BMPR1B: variants seen among roughly 807,000 people sequenced by gnomAD.
BMPR1B encodes bone morphogenetic protein receptor type-1B.
BMPR1B carries 12 observed loss-of-function variants against 59.1 expected under a neutral mutation model. That is an observed-to-expected ratio of 0.20 (90% confidence interval 0.13 to 0.33). BMPR1B has a LOEUF of 0.33. Ranked by LOEUF, BMPR1B falls within the 10% of genes least tolerant of loss-of-function variation. The pLI, the probability that BMPR1B is intolerant of heterozygous loss-of-function variation, is 1.00. For synonymous variants in BMPR1B, 237 were observed against 207.3 expected, an observed-to-expected ratio of 1.14 and a Z score of -1.23; for missense variants, 550 against 610.9, an observed-to-expected ratio of 0.90 and a Z score of 1.05.
chr4:94,923,782 C>G (rs540779421), intron 2 of BMPR1B, among the ~76,000 whole-genome samples: 1 of 152,114 alleles, frequency 6.6e-6, no homozygotes, highest in South Asian at 2.1e-4. Context: ...GCCCCTACCT[C>G]TAGGCACAGT....
At chr4:95,127,949 A>G (rs568892000) in intron 8 of BMPR1B, among the ~76,000 whole-genome samples, 8 of 150,722 alleles carry the variant, frequency 5.3e-5, no homozygotes, top group African/African-American at 2.0e-4. Context: ...TTGTGGTGCG[A>G]TCTTGTCTCA....
intron 2 of BMPR1B, among the ~76,000 whole-genome samples, chr4:94,956,623 T>C (rs912254783): frequency 1.3e-5 from 2 of 152,148 alleles, no homozygotes; most frequent in African/African-American, 4.8e-5. Flanking sequence ...AATTTCTAGA[T>C]ACCTGGGTGA....
intron 4 of BMPR1B, among the ~76,000 whole-genome samples, chr4:95,111,020 A>G (rs1009671025): frequency 5.3e-5 from 8 of 152,158 alleles, no homozygotes; most frequent in African/African-American, 1.9e-4. Context: ...GTTCTTAAGA[A>G]CTTGTTTACA....
intron 2 of BMPR1B, among the ~76,000 whole-genome samples, chr4:94,967,120 G>A (rs1319691913): frequency 6.6e-6 from 1 of 152,112 alleles, no homozygotes; most frequent in Non-Finnish European, 1.5e-5. Flanking sequence ...GTATATTCAA[G>A]TTTTCTAAGT....
intron 1 of BMPR1B, among the ~76,000 whole-genome samples, chr4:94,841,251 C>T (rs867415924): frequency 1.4e-5 from 2 of 146,922 alleles, no homozygotes; most frequent in African/African-American, 2.5e-5. Context: ...GTGGAGCCTA[C>T]AGAGGCAGGC....
intron 3 of BMPR1B, among the ~76,000 whole-genome samples, chr4:95,009,563 G>A (rs868080628): frequency 9.2e-5 from 14 of 152,174 alleles, no homozygotes; most frequent in Non-Finnish European, 1.8e-4. Context: ...ATGATGTAGA[G>A]TTTCTTCTTC....
At chr4:95,116,182 A>G (rs551753927) in intron 6 of BMPR1B, among the ~76,000 whole-genome samples, 1 of 152,216 alleles carries the variant, frequency 6.6e-6, no homozygotes, top group East Asian at 1.9e-4. Context: ...TAAATTAAAC[A>G]TTATTTGCTA....
At position 95,104,439 on chromosome 4, in the gene BMPR1B, T is replaced by G. The variant is rs1466418430; in HGVS notation, c.15T>G (p.Ser5Arg). MLLR[S>R]AGKLNVGTKK... ...TCCTTGATAACATGCTTTTGCGAAG[T>G]GCAGGAAAATTAAATGTGGGCACCA... is the stretch of plus-strand genomic sequence containing the variant. The change falls in exon 4 of 13, where the codon AGT (serine) becomes AGG (arginine). Residue 5 changes from serine (S) to arginine (R), a missense_variant. Physicochemically the swap from Ser to Arg is moderately radical, Grantham distance 110 (BLOSUM62 -1). Transcript: ENST00000515059. 6.8e-6 allele frequency: 11 copies of G among 1,613,192 alleles called. No homozygotes were observed. Among genetic ancestry groups the G allele is most frequent in the African/African-American group, 1.3e-5 (1 of 74,870 alleles).
intron 3 of BMPR1B, among the ~76,000 whole-genome samples, chr4:95,020,005 TG>T (rs1374051668): frequency 2.0e-5 from 3 of 152,224 alleles, no homozygotes; most frequent in African/African-American, 7.2e-5. Flanking sequence ...TTGGGTGTTA[TG>T]CACCTTATAG....
In BMPR1B at chr4:95,129,875, T is replaced by A. The variant is rs121434417; in HGVS notation, c.599T>A (p.Ile200Lys). The A allele has an allele frequency of 6.2e-7, 1 of 1,613,732 alleles. No homozygotes were observed. The change falls in exon 9 of 13, where the codon ATA becomes AAA. Residue 200 changes from isoleucine (I) to lysine (K), a missense_variant. By Grantham distance (102) the Ile-to-Lys change is moderately radical. This residue lies in a region of BMPR1B where 318 missense variants were observed against 284.6 expected (regional missense o/e 1.12). Transcript: ENST00000515059. ...GGGATTTCACAGGTCCAAAGGACTATAGCTAAGCAGATTCAGATGGTGAAA... is the reference window on the plus strand; with the variant it reads ...GGGATTTCACAGGTCCAAAGGACTAAAGCTAAGCAGATTCAGATGGTGAAA... ...SGLPLLVQRT[I>K]AKQIQMVKQI... is the part of the protein sequence containing the mutation.
At chr4:94,979,667 T>A (rs1296981869) in intron 2 of BMPR1B, among the ~76,000 whole-genome samples, 1 of 152,228 alleles carries the variant, frequency 6.6e-6, no homozygotes, top group Non-Finnish European at 1.5e-5. Context: ...TCCCAGTGAT[T>A]CTCAAAATTC....
chr4:94,880,818 T>A (rs1343645984), intron 2 of BMPR1B, among the ~76,000 whole-genome samples: 1 of 151,954 alleles, frequency 6.6e-6, no homozygotes, highest in African/African-American at 2.4e-5. Flanking sequence ...ATATTTTTAG[T>A]AGAGACGGGG....
intron 1 of BMPR1B, among the ~76,000 whole-genome samples, chr4:94,862,428 G>A (rs148580212): frequency 0.015 from 2,336 of 151,562 alleles, 59 homozygotes; most frequent in African/African-American, 0.052. Flanking sequence ...TGGGATTACA[G>A]GCATGAGCCA....
chr4:94,758,223 G>A (rs990523319), intron 1 of BMPR1B, among the ~76,000 whole-genome samples, 155 bp downstream of exon 1: 2 of 149,750 alleles, frequency 1.3e-5, no homozygotes, highest in African/African-American at 4.9e-5. Flanking sequence ...CCCTAGGCAG[G>A]ACGGAGCGCG....
intron 1 of BMPR1B, among the ~76,000 whole-genome samples, chr4:94,874,871 T>C (rs1424805181): frequency 2.6e-5 from 4 of 152,074 alleles, no homozygotes; most frequent in Non-Finnish European, 5.9e-5. Context: ...CAGACGCCTG[T>C]AGTCCCAGCT....
chr4:95,053,281 T>TTGTGTGTGTG (rs60404669), intron 3 of BMPR1B, among the ~76,000 whole-genome samples: 6,145 of 134,200 alleles, frequency 0.046, 188 homozygotes, highest in Middle Eastern at 0.088. Flanking sequence ...TGCAGGGCAC[T>TTGTGTGTGTG]TGTGTGTGTG....
chr4:94,869,015 A>G (rs1164358418), intron 1 of BMPR1B, among the ~76,000 whole-genome samples: 1 of 151,978 alleles, frequency 6.6e-6, no homozygotes, highest in African/African-American at 2.4e-5. Flanking sequence ...TAAACAGTCA[A>G]AAACTATTTC....
chr4:95,103,454 T>G, intron 3 of BMPR1B: 1 of 985,314 alleles, frequency 1.0e-6, no homozygotes, highest in Non-Finnish European at 1.2e-6. Flanking sequence ...CTGCTCACGG[T>G]GACAATTTAT....
At chr4:94,937,883 A>G (rs563206226) in intron 2 of BMPR1B, among the ~76,000 whole-genome samples, 2 of 152,284 alleles carry the variant, frequency 1.3e-5, no homozygotes, top group African/African-American at 2.4e-5. Flanking sequence ...TTGAGCCATG[A>G]CAAAGTAGTG....
Sources: allele counts gnomAD v4.1 joint callset (sites outside exome capture counted in the v4.1 genomes callset), GRCh38; gene constraint gnomAD v4.1.1; regional missense constraint gnomAD v4.1.1; transcripts MANE v1.5; gene names NCBI Gene and HGNC (gene_info 2026-07-23, HGNC 2026-07-21).